KLF13: variants seen among roughly 807,000 people sequenced by gnomAD.
KLF13 encodes KLF transcription factor 13.
KLF13 carries 8 observed loss-of-function variants against 16.7 expected under a neutral mutation model. The observed-to-expected ratio is 0.48, with a 90% CI of 0.28 to 0.87. The LOEUF is 0.87. Among genes scored for constraint, KLF13 ranks in the 40% least tolerant of loss-of-function variants. KLF13 has a pLI of 0.10. For synonymous variants in KLF13, 245 were observed against 208.4 expected (o/e 1.18, Z -1.51); for missense variants, 447 against 452.2 (o/e 0.99, Z 0.10).
chr15:31,353,269 T>C (rs2039244402), intron 1 of KLF13, among the ~76,000 whole-genome samples: 1 of 152,212 alleles, frequency 6.6e-6, no homozygotes, highest in African/African-American at 2.4e-5. Flanking sequence ...CCGCCTGTGC[T>C]GGGCCTCCCC....
chr15:31,329,278 G>A (rs1168339962), intron 1 of KLF13, among the ~76,000 whole-genome samples: 1 of 151,300 alleles, frequency 6.6e-6, no homozygotes, highest in African/African-American at 2.4e-5. Flanking sequence ...TGGCCCTGGG[G>A]GAGGGGCCAG....
exon 3 of KLF13, chr15:31,404,035 A>G (rs2040078340): frequency 6.6e-6 from 1 of 152,308 alleles, no homozygotes. Flanking sequence ...CCCACAGAGC[A>G]GACTGAACAC....
intron 1 of KLF13, among the ~76,000 whole-genome samples, chr15:31,384,282 T>C (rs984653787): frequency 1.3e-5 from 2 of 151,870 alleles, no homozygotes; most frequent in Non-Finnish European, 2.9e-5. Context: ...CTACTAAAAA[T>C]ACAAAAATTA....
At chr15:31,388,092 G>A (rs1434609107), upstream of KLF13, among the ~76,000 whole-genome samples, 1 of 152,202 alleles carries the variant, frequency 6.6e-6, no homozygotes, top group Non-Finnish European at 1.5e-5. Context: ...GGAAGGAGTC[G>A]AAGTCATCTG....
chr15:31,392,409 T>C (rs1036210687), upstream of KLF13, among the ~76,000 whole-genome samples: 1 of 152,170 alleles, frequency 6.6e-6, no homozygotes, highest in African/African-American at 2.4e-5. Context: ...GCGGCGGTGC[T>C]GAGCCTCGAG....
chr15:31,357,224 T>C (rs2039313708), intron 1 of KLF13, among the ~76,000 whole-genome samples: 1 of 152,244 alleles, frequency 6.6e-6, no homozygotes, highest in African/African-American at 2.4e-5. Flanking sequence ...CATGCGGTTC[T>C]TGTTTCCGCC....
Position 31,376,896 on chromosome 15 carries a change from T to G in KLF13, c.*4597T>G, listed in dbSNP as rs551920501. Reference sequence around the variant, plus strand: ...TCATACAGCTTTAAAACTTTACTACTTTTATTTAAAAATGAACTGGATGGG... The same window carrying G: ...TCATACAGCTTTAAAACTTTACTACGTTTATTTAAAAATGAACTGGATGGG... On this transcript the variant is annotated 3_prime_UTR_variant, in exon 2 of 2. Transcript: ENST00000307145. The G allele has an allele frequency of 1.3e-5, 2 of 151,834 alleles. No homozygotes were observed. The highest frequency in any genetic ancestry group is 2.1e-4 in the South Asian group (1 of 4,786). 9.4% of individuals were successfully genotyped at this position (151,834 alleles called of 1,614,324 possible). A position where few individuals can be genotyped will look rare whatever the true frequency, so the allele number is the denominator to read the frequency against.
chr15:31,372,847 T>C lies in KLF13; in HGVS notation c.*548T>C, dbSNP rs909996176. The C allele has an allele frequency of 6.6e-6, 1 of 152,612 alleles. No homozygotes were observed. The highest frequency in any genetic ancestry group is 2.4e-5 in the African/African-American group (1 of 41,464). The allele number at this position is 152,612 out of a possible 1,614,324, so 9.5% of individuals were successfully genotyped here. On this transcript the variant is annotated 3_prime_UTR_variant, in exon 2 of 2. Coordinates refer to ENST00000307145, the MANE Select transcript of KLF13 (RefSeq NM_015995.4). ...CTCTGCCCAACGAGCCTGGCTGGGC[T>C]TGCAACGCAGCTGATTCTGAGACAG...
Position 31,424,742 on chromosome 15 carries a change from C to T in KLF13, n.118-10628C>T, listed in dbSNP as rs1043268984. 1.3e-4 allele frequency among the ~76,000 whole-genome samples: 20 copies of T among 152,216 alleles called. No homozygotes were observed. The South Asian group carries it at 3.1e-3, about 24-fold the overall frequency. On this transcript the variant is annotated intron_variant and non_coding_transcript_variant, in intron 1 of 1. Coordinates refer to the KLF13 transcript ENST00000558225. ...GCAAAGATGCCCATTCTTGCCACTT[C>T]TATTCAACATAGTAATGGAAGTTCA... is the stretch of plus-strand genomic sequence containing the variant.
chr15:31,355,872 G>A lies in KLF13; in HGVS notation c.578-16138G>A, dbSNP rs777954678. 9.9e-5 allele frequency among the ~76,000 whole-genome samples: 15 copies of A among 151,800 alleles called. No homozygotes were observed. The South Asian group carries it at 1.7e-3, about 17-fold the overall frequency. On this transcript the variant is annotated intron_variant, in intron 1 of 1. Transcript: ENST00000307145. ...CCACACACCCAGTGTGGCCTGCTCCGTGTGGCCTGGATAACATCTCTGTGG... is the reference window on the plus strand; with the variant it reads ...CCACACACCCAGTGTGGCCTGCTCCATGTGGCCTGGATAACATCTCTGTGG...
chr15:31,432,021 AG>A (rs1376820706), intron 1 of KLF13, among the ~76,000 whole-genome samples: 1 of 151,834 alleles, frequency 6.6e-6, no homozygotes, highest in Non-Finnish European at 1.5e-5. Flanking sequence ...GTGGCTACAC[AG>A]GTGTTTGCTT....
At chr15:31,349,369 A>G (rs577218148) in intron 1 of KLF13, among the ~76,000 whole-genome samples, 20 of 152,322 alleles carry the variant, frequency 1.3e-4, no homozygotes, top group African/African-American at 2.6e-4. Context: ...GGATGGACCA[A>G]TGCCCGCTGG....
chr15:31,432,447 C>T (rs1595519555), intron 1 of KLF13, among the ~76,000 whole-genome samples: 1 of 107,340 alleles, frequency 9.3e-6, no homozygotes, highest in Non-Finnish European at 1.9e-5. Flanking sequence ...TTCTCTCTTT[C>T]TTTCCTTTTT....
At chr15:31,425,179 A>G (rs1198953943) in intron 1 of KLF13, among the ~76,000 whole-genome samples, 1 of 152,204 alleles carries the variant, frequency 6.6e-6, no homozygotes, top group Non-Finnish European at 1.5e-5. Context: ...TATAGATTAG[A>G]AGACTCAATG....
At chr15:31,353,022 C>T (rs1028415862) in intron 1 of KLF13, among the ~76,000 whole-genome samples, 15 of 152,300 alleles carry the variant, frequency 9.8e-5, no homozygotes, top group Admixed American at 4.6e-4. Flanking sequence ...TTGGAGTGTG[C>T]GGCTTGCTCT....
intron 1 of KLF13, among the ~76,000 whole-genome samples, chr15:31,333,295 T>A (rs57640280): frequency 0.012 from 1,783 of 152,306 alleles, 44 homozygotes; most frequent in African/African-American, 0.04. Flanking sequence ...GGATTGGAGC[T>A]GGGGCTTGAG....
chr15:31,400,132 C>T (rs549449697), intron 2 of KLF13, among the ~76,000 whole-genome samples: 1 of 152,340 alleles, frequency 6.6e-6, no homozygotes, highest in South Asian at 2.1e-4. Context: ...ACGAGTCCTA[C>T]TCCTGTTCCA....
At chr15:31,405,352 A>G (rs1427655460), downstream of KLF13, among the ~76,000 whole-genome samples, 2 of 152,196 alleles carry the variant, frequency 1.3e-5, no homozygotes, top group Non-Finnish European at 2.9e-5. Context: ...GAGCTTGGAG[A>G]ACCCCCTCTC....
intron 1 of KLF13, among the ~76,000 whole-genome samples, chr15:31,338,142 A>G (rs903123247): frequency 6.6e-6 from 1 of 152,190 alleles, no homozygotes; most frequent in Non-Finnish European, 1.5e-5. Flanking sequence ...CTTTGGACAA[A>G]TTGTATCATT....
Sources: gnomAD v4.1 joint callset for allele counts (sites outside exome capture counted in the v4.1 genomes callset) on GRCh38, gnomAD v4.1.1 for gene constraint, MANE v1.5 for transcripts, NCBI Gene and HGNC (gene_info 2026-07-23, HGNC 2026-07-21) for gene names.